Variants in SEMA6D observed in about 807,000 individuals in gnomAD.
SEMA6D encodes semaphorin 6D, also known as semaphorin-6D.
In SEMA6D, 35 loss-of-function variants were observed where a neutral mutation model predicts 106.6. The observed-to-expected ratio is 0.33, with a 90% confidence interval of 0.25 to 0.44. The LOEUF (loss-of-function observed/expected upper bound fraction) is 0.44, where lower values mean the gene tolerates loss of function less well. Ranked by LOEUF, SEMA6D falls within the 20% of genes least tolerant of loss-of-function variation. The pLI is 1.00. For missense variants in SEMA6D, 1,185 were observed against 1,345.9 expected (o/e 0.88, Z 1.87); for synonymous variants, 499 against 487.7 (o/e 1.02, Z -0.31).
chr15:47,261,941 A>T (rs2034094662), intron 1 of SEMA6D, among the ~76,000 whole-genome samples: 1 of 152,032 alleles, frequency 6.6e-6, no homozygotes, highest in South Asian at 2.1e-4. Context: ...TGTACATTTG[A>T]GTTGTTTTCA....
chr15:47,270,499 A>G (rs2142247520), intron 1 of SEMA6D, among the ~76,000 whole-genome samples: 1 of 152,120 alleles, frequency 6.6e-6, no homozygotes, highest in East Asian at 1.9e-4. Context: ...AAAAATGTGA[A>G]TAGAATGATG....
chr15:47,369,047 C>G (rs1054020163), intron 1 of SEMA6D, among the ~76,000 whole-genome samples: 1 of 152,170 alleles, frequency 6.6e-6, no homozygotes, highest in African/African-American at 2.4e-5. Context: ...AGATAACTAC[C>G]TATGGTTCCA....
At chr15:47,545,019 T>A (rs1596287715) in intron 3 of SEMA6D, among the ~76,000 whole-genome samples, 1 of 152,148 alleles carries the variant, frequency 6.6e-6, no homozygotes, top group East Asian at 1.9e-4. Context: ...ACTACTATAA[T>A]GGGAATTGCT....
At chr15:47,237,652 G>A (rs1014274974) in intron 1 of SEMA6D, among the ~76,000 whole-genome samples, 1 of 151,892 alleles carries the variant, frequency 6.6e-6, no homozygotes, top group African/African-American at 2.4e-5. Flanking sequence ...AATTCAAAGG[G>A]CTCTGTGAAG....
intron 3 of SEMA6D, among the ~76,000 whole-genome samples, chr15:47,504,146 C>T (rs980492499): frequency 1.3e-5 from 2 of 152,218 alleles, no homozygotes; most frequent in African/African-American, 4.8e-5. Flanking sequence ...CAGCATCAGC[C>T]GGGTTTGCCT....
At chr15:47,583,693 A>G (rs993647145) in intron 3 of SEMA6D, among the ~76,000 whole-genome samples, 1 of 152,314 alleles carries the variant, frequency 6.6e-6, no homozygotes, top group East Asian at 1.9e-4. Flanking sequence ...TGGCCCGCAG[A>G]GAGCAGACAT....
Position 47,763,117 on chromosome 15 carries a change from A to G in SEMA6D, c.747+13A>G. 2.5e-6 allele frequency: 4 copies of G among 1,599,500 alleles called. No homozygotes were observed. Among genetic ancestry groups the G allele is most frequent in the East Asian group, 2.2e-5 (1 of 44,604 alleles). ...TAATTTAGGCAAGGCAAGTATATGC[A>G]TTTGGCTTGAATTGTGGACTTGTAC... On this transcript the variant is annotated intron_variant, in intron 9 of 18. Transcript: ENST00000536845.
At chr15:47,687,081 A>AAG (rs891628576) in intron 4 of SEMA6D, among the ~76,000 whole-genome samples, 1 of 151,648 alleles carries the variant, frequency 6.6e-6, no homozygotes, top group East Asian at 1.9e-4. Context: ...AAAAAAAAAA[A>AAG]AAGAAGTACT....
chr15:47,454,682 A>T (rs746451291), intron 2 of SEMA6D, among the ~76,000 whole-genome samples: 42 of 151,936 alleles, frequency 2.8e-4, no homozygotes, highest in Non-Finnish European at 5.4e-4. Context: ...ATATGATAGG[A>T]TTCTTATTCA....
At chr15:47,271,103 A>C (rs2142264427) in intron 1 of SEMA6D, among the ~76,000 whole-genome samples, 1 of 152,222 alleles carries the variant, frequency 6.6e-6, no homozygotes, top group South Asian at 2.1e-4. Flanking sequence ...AAATACACAA[A>C]CCGGAATTGT....
chr15:47,217,039 A>G (rs1019281194), intron 1 of SEMA6D, among the ~76,000 whole-genome samples: 1 of 152,056 alleles, frequency 6.6e-6, no homozygotes, highest in African/African-American at 2.4e-5. Flanking sequence ...ACACAGCAAT[A>G]AGGCACCCTC....
At chr15:47,416,021 C>T (rs2040955658) in intron 2 of SEMA6D, among the ~76,000 whole-genome samples, 1 of 152,154 alleles carries the variant, frequency 6.6e-6, no homozygotes, top group Non-Finnish European at 1.5e-5. Context: ...AGAACGTTAA[C>T]ATAATGGATG....
At chr15:47,361,565 C>G (rs2038806777) in intron 1 of SEMA6D, among the ~76,000 whole-genome samples, 1 of 152,238 alleles carries the variant, frequency 6.6e-6, no homozygotes. Flanking sequence ...CACTGCCTCC[C>G]AGCTAGACTA....
chr15:47,432,562 C>CGCATGTGTATATACATATACACCTATAT (rs2041568942), intron 2 of SEMA6D, among the ~76,000 whole-genome samples: 2 of 43,260 alleles, frequency 4.6e-5, no homozygotes, highest in Non-Finnish European at 1.1e-4. Context: ...TATACATATA[C>CGCATGTGTATATACATATACACCTATAT]GCATATGTAT....
chr15:47,507,987 A>G (rs1314963665), intron 3 of SEMA6D, among the ~76,000 whole-genome samples: 1 of 152,234 alleles, frequency 6.6e-6, no homozygotes, highest in Non-Finnish European at 1.5e-5. Flanking sequence ...AGGAAAATGT[A>G]AAGAGATTTA....
chr15:47,438,069 G>A (rs1345088303), intron 2 of SEMA6D, among the ~76,000 whole-genome samples: 2 of 152,024 alleles, frequency 1.3e-5, no homozygotes, highest in Non-Finnish European at 2.9e-5. Context: ...GTGAATTTCC[G>A]ATATTTCCCA....
At chr15:47,345,459 A>G (rs2038007438) in intron 1 of SEMA6D, among the ~76,000 whole-genome samples, 2 of 152,154 alleles carry the variant, frequency 1.3e-5, no homozygotes, top group South Asian at 4.1e-4. Context: ...CAAAGAAAGT[A>G]CAGTTTTTTT....
intron 3 of SEMA6D, among the ~76,000 whole-genome samples, chr15:47,512,320 A>G (rs915670232): frequency 6.6e-6 from 1 of 152,206 alleles, no homozygotes; most frequent in Non-Finnish European, 1.5e-5. Flanking sequence ...GGCTCAGATT[A>G]ATATTCTTTA....
chr15:47,671,986 T>C (rs1354890102), intron 4 of SEMA6D, among the ~76,000 whole-genome samples: 1 of 152,212 alleles, frequency 6.6e-6, no homozygotes, highest in African/African-American at 2.4e-5. Flanking sequence ...AAACATTTTA[T>C]ATTGTGAGCA....
Sources: allele counts gnomAD v4.1 joint callset (sites outside exome capture counted in the v4.1 genomes callset), GRCh38; gene constraint gnomAD v4.1.1; transcripts MANE v1.5; gene names NCBI Gene and HGNC (gene_info 2026-07-23, HGNC 2026-07-21).